Variants in DTNA observed in about 807,000 individuals in gnomAD.
DTNA encodes dystrophin-related protein 3.
A neutral mutation model predicts 100.7 loss-of-function variants in DTNA; 43 were observed. The ratio of observed to expected loss-of-function variants is 0.43; its 90% CI spans 0.33 to 0.55. The LOEUF (loss-of-function observed/expected upper bound fraction) is 0.55. DTNA is among the 20% of genes least tolerant of loss of function. The pLI, the probability that DTNA is intolerant of heterozygous loss-of-function variation, is 0.04. For missense variants in DTNA, 798 were observed against 953.9 expected, an observed-to-expected ratio of 0.84 and a Z score of 2.15; for synonymous variants, 349 against 347.9, an observed-to-expected ratio of 1.00 and a Z score of -0.04.
At chr18:34,607,577 A>AT (rs1300410134) in intron 1 of DTNA, among the ~76,000 whole-genome samples, 1 of 152,168 alleles carries the variant, frequency 6.6e-6, no homozygotes, top group East Asian at 1.9e-4. Flanking sequence ...ACATTTTATG[A>AT]TTTTCTCATA....
At chr18:34,524,979 C>G (rs987683275) in intron 1 of DTNA, among the ~76,000 whole-genome samples, 1 of 152,158 alleles carries the variant, frequency 6.6e-6, no homozygotes, top group Middle Eastern at 3.4e-3. Flanking sequence ...TTTCTAAAAC[C>G]CACTAATTCC....
chr18:34,869,793 A>G (rs644982), intron 17 of DTNA, among the ~76,000 whole-genome samples: 29,663 of 152,182 alleles, frequency 0.19, 3,977 homozygotes, highest in African/African-American at 0.39. Context: ...AGGCCGAGGC[A>G]GGCAGATCAC....
intron 1 of DTNA, among the ~76,000 whole-genome samples, chr18:34,606,623 A>G (rs1221181710): frequency 6.6e-6 from 1 of 152,150 alleles, no homozygotes; most frequent in Non-Finnish European, 1.5e-5. Flanking sequence ...AGTTTAGTTA[A>G]ATTGTAGTAA....
intron 1 of DTNA, among the ~76,000 whole-genome samples, chr18:34,636,355 TCC>T (rs2058669404): frequency 2.6e-5 from 4 of 152,150 alleles, no homozygotes; most frequent in Admixed American, 1.3e-4. Context: ...CCTCAAGTGA[TCC>T]TCCTGCCTCG....
Position 34,598,680 on chromosome 18 carries a change from G to A in DTNA, c.-2+105166G>A, listed in dbSNP as rs551944305. On this transcript the variant is annotated intron_variant, in intron 1 of 19. Transcript: ENST00000283365. ...AGATTGAGACCATCCTGGCTAACAC[G>A]GTGAAACCCCATCTCTACTAAAAAT... 2.0e-3 allele frequency among the ~76,000 whole-genome samples: 302 copies of A among 152,164 alleles called. 1 individual carries two copies. Among genetic ancestry groups the A allele is most frequent in the African/African-American group, 6.4e-3 (264 of 41,520 alleles).
chr18:34,567,688 A>AC (rs1433970391), intron 1 of DTNA, among the ~76,000 whole-genome samples: 2 of 152,232 alleles, frequency 1.3e-5, no homozygotes, highest in Non-Finnish European at 2.9e-5. Flanking sequence ...ATCTTAAAAA[A>AC]AAATTTTACC....
At chr18:34,700,542 C>T (rs998347454) in intron 1 of DTNA, among the ~76,000 whole-genome samples, 3 of 152,144 alleles carry the variant, frequency 2.0e-5, no homozygotes, top group Non-Finnish European at 4.4e-5. Context: ...ACCTTCAAGT[C>T]CCTACCTCCT....
At position 34,891,632 on chromosome 18, in the gene DTNA, T is replaced by A. The variant is rs901580556; in HGVS notation, c.*3898T>A. The A allele has an allele frequency of 6.6e-6, 1 of 152,242 alleles. No homozygotes were observed. The highest frequency in any genetic ancestry group is 1.5e-5 in the Non-Finnish European group (1 of 68,044). The allele number at this position is 152,242 out of a possible 1,614,324, so 9.4% of individuals were successfully genotyped here. ...TGAGCATCTAATAGAAATACTATTC[T>A]GCTATTTATGGAAATCCTTATTATA... is the stretch of plus-strand genomic sequence containing the variant. On this transcript the variant is annotated 3_prime_UTR_variant, in exon 23 of 23. Coordinates refer to ENST00000444659, the MANE Select transcript of DTNA (RefSeq NM_001386795.1).
chr18:34,728,813 A>T (rs1276738431), intron 1 of DTNA, among the ~76,000 whole-genome samples: 1 of 152,214 alleles, frequency 6.6e-6, no homozygotes, highest in Non-Finnish European at 1.5e-5. Flanking sequence ...GGCTGCCAGT[A>T]GCCCCCAAAT....
chr18:34,635,750 A>G (rs1324196262), intron 1 of DTNA, among the ~76,000 whole-genome samples: 2 of 152,158 alleles, frequency 1.3e-5, no homozygotes, highest in Non-Finnish European at 2.9e-5. Context: ...TTTTATCTCA[A>G]TCAAAAGTCT....
At chr18:34,819,984 C>A (rs1468870971) in intron 8 of DTNA, among the ~76,000 whole-genome samples, 3 of 142,284 alleles carry the variant, frequency 2.1e-5, no homozygotes, top group Admixed American at 7.0e-5. Context: ...CGGTTTTTGC[C>A]ATTACTTTCA....
At chr18:34,702,735 C>T (rs1454527521) in intron 1 of DTNA, among the ~76,000 whole-genome samples, 1 of 152,148 alleles carries the variant, frequency 6.6e-6, no homozygotes, top group African/African-American at 2.4e-5. Context: ...TCTTTTTCCT[C>T]CACCTCTGTC....
intron 1 of DTNA, among the ~76,000 whole-genome samples, chr18:34,617,431 G>T (rs532607933): frequency 5.2e-4 from 79 of 152,218 alleles, no homozygotes; most frequent in African/African-American, 1.9e-3. Flanking sequence ...CACATTTATT[G>T]ATCTGGGTAT....
intron 1 of DTNA, among the ~76,000 whole-genome samples, chr18:34,547,574 G>A (rs2044930296): frequency 6.6e-6 from 1 of 152,104 alleles, no homozygotes; most frequent in South Asian, 2.1e-4. Context: ...ACAAGTTTAT[G>A]AAAGACATCC....
Position 34,712,709 on chromosome 18 carries a change from G to C in DTNA, c.-2+2264G>C, listed in dbSNP as rs148203662. On this transcript the variant is annotated intron_variant, in intron 1 of 22. Coordinates refer to ENST00000444659, the MANE Select transcript of DTNA (RefSeq NM_001386795.1). ...TTGTACAGTATTTGTTTCAACTCTT[G>C]TTTAAATTATGCTTTCTTGTTAATT... Among the ~76,000 whole-genome samples the C allele has an allele frequency of 2.2e-3, 340 of 152,144 alleles. 1 individual carries two copies. The highest frequency in any genetic ancestry group is 3.8e-3 in the Non-Finnish European group (260 of 67,936).
intron 1 of DTNA, among the ~76,000 whole-genome samples, chr18:34,738,263 A>G (rs1436902053): frequency 6.6e-6 from 1 of 152,124 alleles, no homozygotes; most frequent in Non-Finnish European, 1.5e-5. Context: ...CATTCTCTCA[A>G]AAAGCATCTT....
chr18:34,883,050 A>G (rs558673836), intron 21 of DTNA, among the ~76,000 whole-genome samples: 1 of 152,234 alleles, frequency 6.6e-6, no homozygotes, highest in Non-Finnish European at 1.5e-5. Flanking sequence ...TTCACTGAAC[A>G]TGACATATAC....
intron 1 of DTNA, among the ~76,000 whole-genome samples, chr18:34,566,375 G>C (rs189731220): frequency 6.6e-6 from 1 of 152,132 alleles, no homozygotes; most frequent in African/African-American, 2.4e-5. Flanking sequence ...AGTTTCAGAA[G>C]TTAAAAGTCC....
In DTNA at chr18:34,754,520, G is replaced by A. The variant is rs185333098; in HGVS notation, c.-1-1456G>A. Reference sequence around the variant, plus strand: ...GGTCCTGGCTTGATCACTGTGATGCGCTCATAGGACAGTGTGATCCTGGCT... The same window carrying A: ...GGTCCTGGCTTGATCACTGTGATGCACTCATAGGACAGTGTGATCCTGGCT... On this transcript the variant is annotated intron_variant, in intron 1 of 22. Transcript: ENST00000444659. Among the ~76,000 whole-genome samples, 628 of 152,192 alleles carry A rather than the reference G, an allele frequency of 4.1e-3. 2 individuals carry two copies. The highest frequency in any genetic ancestry group is 7.4e-3 in the Non-Finnish European group (505 of 68,000).
Sources: allele counts gnomAD v4.1 joint callset (sites outside exome capture counted in the v4.1 genomes callset), GRCh38; gene constraint gnomAD v4.1.1; transcripts MANE v1.5; gene names NCBI Gene and HGNC (gene_info 2026-07-23, HGNC 2026-07-21).